CDKL3: variants seen among roughly 807,000 people sequenced by gnomAD.
CDKL3 encodes the protein cyclin-dependent kinase-like 3.
In CDKL3, 65 loss-of-function variants were observed where a neutral mutation model predicts 69.3. That is an observed-to-expected ratio of 0.94 (90% CI 0.77 to 1.15). The LOEUF is 1.15. Ranked by LOEUF, CDKL3 falls within the 50% of genes most tolerant of loss-of-function variation. The pLI is 0.00. For synonymous variants in CDKL3, 202 were observed against 221.6 expected (o/e 0.91, Z 0.79); for missense variants, 652 against 689.2 (o/e 0.95, Z 0.61).
At chr5:134,369,447 A>T (rs1255629448), upstream of CDKL3, among the ~76,000 whole-genome samples, 6 of 152,190 alleles carry the variant, frequency 3.9e-5, no homozygotes, top group Non-Finnish European at 8.8e-5. Flanking sequence ...GGAGGACCTC[A>T]GCATTGCCCT....
chr5:134,304,186 C>T (rs1234236719), intron 11 of CDKL3, among the ~76,000 whole-genome samples: 1 of 152,114 alleles, frequency 6.6e-6, no homozygotes, highest in Admixed American at 6.6e-5. Flanking sequence ...GCATTGGCCT[C>T]CCAAAATGCT....
At position 134,313,624 on chromosome 5, in the gene CDKL3, T is replaced by C. The variant is rs1347669817; in HGVS notation, c.793-1244A>G. On this transcript the variant is annotated intron_variant, in intron 6 of 12. Coordinates refer to ENST00000265334, the MANE Select transcript of CDKL3 (RefSeq NM_001113575.2). Reference sequence around the variant, plus strand: ...ATGTTTCTGTTTATTTCAAAATGCATATTTAAACTGATTCACAGAAAAAAA... The same window carrying C: ...ATGTTTCTGTTTATTTCAAAATGCACATTTAAACTGATTCACAGAAAAAAA... Among the ~76,000 whole-genome samples the C allele has an allele frequency of 2.0e-5, 3 of 152,152 alleles. No individual in the cohort carries two copies. The East Asian group carries it at 5.8e-4, about 29-fold the overall frequency.
chr5:134,288,996 T>C (rs1765000409), intron 8 of CDKL3, among the ~76,000 whole-genome samples: 1 of 151,176 alleles, frequency 6.6e-6, no homozygotes, highest in Non-Finnish European at 1.5e-5. Flanking sequence ...GCCCTGTCTG[T>C]ATGAAAAATT....
intron 5 of CDKL3, among the ~76,000 whole-genome samples, chr5:134,320,395 T>C (rs540473817): frequency 1.8e-4 from 28 of 151,478 alleles, no homozygotes; most frequent in African/African-American, 6.5e-4. Flanking sequence ...TCGGGCAACA[T>C]GGCAAAACCG....
At chr5:134,326,859 A>G (rs1275624019) in intron 4 of CDKL3, among the ~76,000 whole-genome samples, 2 of 103,242 alleles carry the variant, frequency 1.9e-5, no homozygotes, top group East Asian at 4.5e-4. Context: ...ATATATATAT[A>G]TATATATACA....
At chr5:134,324,639 A>G (rs979728792) in intron 4 of CDKL3, among the ~76,000 whole-genome samples, 6 of 152,240 alleles carry the variant, frequency 3.9e-5, no homozygotes, top group Non-Finnish European at 8.8e-5. Flanking sequence ...ATATTCTGGA[A>G]AAGCCTAAAG....
chr5:134,326,186 G>C (rs1214012501), intron 4 of CDKL3, among the ~76,000 whole-genome samples: 1 of 152,064 alleles, frequency 6.6e-6, no homozygotes, highest in Admixed American at 6.6e-5. Flanking sequence ...CTTTTCCCCA[G>C]CTTGACCTGA....
At chr5:134,313,861 G>A (rs1561531299) in intron 6 of CDKL3, among the ~76,000 whole-genome samples, 1 of 152,210 alleles carries the variant, frequency 6.6e-6, no homozygotes, top group East Asian at 1.9e-4. Flanking sequence ...TAGTTGGCCA[G>A]GTGTGGTGGC....
At chr5:134,301,310 T>C (rs1766252244) in intron 12 of CDKL3, among the ~76,000 whole-genome samples, 1 of 152,174 alleles carries the variant, frequency 6.6e-6, no homozygotes, top group African/African-American at 2.4e-5. Context: ...ATGGCATTCT[T>C]GTTCTACAAC....
At chr5:134,298,796 T>C in intron 12 of CDKL3, 86 bp from the exon 13 acceptor site, 2 of 1,512,486 alleles carry the variant, frequency 1.3e-6, no homozygotes, top group Middle Eastern at 1.7e-4. Flanking sequence ...AATGCTAAAT[T>C]ACATGTAAAT....
chr5:134,298,293 T>C, downstream of CDKL3: 1 of 1,009,326 alleles, frequency 9.9e-7, no homozygotes, highest in Non-Finnish European at 1.2e-6. Context: ...TAAAGAGGCC[T>C]GTGTGTTATA....
Position 134,312,295 on chromosome 5 carries a change from T to C in CDKL3, c.878A>G (p.Glu293Gly), listed in dbSNP as rs745453787. 1 of 1,564,102 alleles carries C rather than the reference T, an allele frequency of 6.4e-7. No individual in the cohort carries two copies. Among genetic ancestry groups the C allele is most frequent in the African/African-American group, 1.4e-5 (1 of 73,688 alleles). Residue 293 changes from glutamate (E) to glycine (G), a missense_variant, in exon 7 of 13, where the codon GAA becomes GGA. Glu to Gly is a moderately conservative substitution (Grantham distance 98). Transcript: ENST00000265334. ...HEYFTRDGFI[E>G]KFMPELKAKL... ...CACATTCACTCAAAATGCTTACTTT[T>C]CAATAAATCCATCTCTAGTAAAATA...
At chr5:134,298,317 T>A (rs1449288846), downstream of CDKL3, 2 of 1,037,382 alleles carry the variant, frequency 1.9e-6, no homozygotes, top group East Asian at 1.7e-4. Context: ...GATAACTGAC[T>A]CGAAGTTATG....
At chr5:134,358,185 T>C (rs58983004) in intron 3 of CDKL3, among the ~76,000 whole-genome samples, 16,868 of 152,258 alleles carry the variant, frequency 0.11, 1,056 homozygotes, top group Admixed American at 0.16. Flanking sequence ...GGAAAATCTC[T>C]CCCCTGTGAA....
chr5:134,287,062 C>T (rs959527419), intron 8 of CDKL3, among the ~76,000 whole-genome samples: 1 of 152,004 alleles, frequency 6.6e-6, no homozygotes, highest in African/African-American at 2.4e-5. Flanking sequence ...GCCTTAAGAA[C>T]TGCCAGGGAA....
intron 4 of CDKL3, among the ~76,000 whole-genome samples, chr5:134,335,281 G>C (rs1297203772): frequency 6.6e-6 from 1 of 151,662 alleles, no homozygotes; most frequent in Admixed American, 6.6e-5. Flanking sequence ...TAACCAATTT[G>C]CCAGTCTGTG....
rs182501820 is a variant in CDKL3, at chr5:134,313,904, A to C, written c.793-1524T>G. Among the ~76,000 whole-genome samples the C allele has an allele frequency of 6.0e-4, 92 of 152,152 alleles. 1 individual carries two copies. The highest frequency in any genetic ancestry group is 2.0e-3 in the African/African-American group (84 of 41,500). Reference sequence around the variant, plus strand: ...TGTAATCCCAGCACTTTGGGGGGCAACAGAGGGTGGATCACCTGAGGTTGG... The same window carrying C: ...TGTAATCCCAGCACTTTGGGGGGCACCAGAGGGTGGATCACCTGAGGTTGG... On this transcript the variant is annotated intron_variant, in intron 6 of 12. Transcript: ENST00000265334.
chr5:134,370,107 G>C (rs1758198909), upstream of CDKL3, among the ~76,000 whole-genome samples: 1 of 152,196 alleles, frequency 6.6e-6, no homozygotes, highest in Non-Finnish European at 1.5e-5. Flanking sequence ...GAGGTACAAG[G>C]AAAGTCAGAA....
intron 2 of CDKL3, among the ~76,000 whole-genome samples, chr5:134,364,507 A>C (rs1327762479): frequency 6.7e-5 from 10 of 149,078 alleles, no homozygotes; most frequent in African/African-American, 2.5e-4. Context: ...AGTCTTCTAC[A>C]CTCTTTCATG....
Sources: gnomAD v4.1 joint callset for allele counts (sites outside exome capture counted in the v4.1 genomes callset) on GRCh38, gnomAD v4.1.1 for gene constraint, MANE v1.5 for transcripts, NCBI Gene and HGNC (gene_info 2026-07-23, HGNC 2026-07-21) for gene names.